Variants in ADAMTSL3 observed in about 807,000 individuals in gnomAD.
ADAMTSL3 encodes ADAMTS-like protein 3.
A neutral mutation model predicts 201.7 loss-of-function variants in ADAMTSL3; 128 were observed. The ratio of observed to expected loss-of-function variants is 0.63; its 90% CI spans 0.55 to 0.73. The LOEUF is 0.73. Among genes scored for constraint, ADAMTSL3 ranks in the 30% least tolerant of loss-of-function variants. The pLI, the probability that ADAMTSL3 is intolerant of heterozygous loss-of-function variation, is 0.00. For missense variants in ADAMTSL3, 1,990 were observed against 2,119.6 expected, an observed-to-expected ratio of 0.94 and a Z score of 1.20; for synonymous variants, 738 against 748.4, an observed-to-expected ratio of 0.99 and a Z score of 0.23.
chr15:83,913,124 C>T lies in ADAMTSL3; in HGVS notation c.1733C>T (p.Thr578Ile), dbSNP rs1356710511. ...FIPEPWSACSTTCGPGVQVRE... is the reference protein window; with the variant it reads ...FIPEPWSACSITCGPGVQVRE... ...CCAGAACCCTGGTCAGCCTGCAGTA[C>T]CACGTGTGGGCCGGGTGTGCAGGTC... The change falls in exon 16 of 30, where the codon ACC becomes ATC. Residue 578 changes from threonine (T) to isoleucine (I), a missense_variant. Coordinates refer to ENST00000286744, the MANE Select transcript of ADAMTSL3 (RefSeq NM_207517.3). 1.2e-6 allele frequency: 2 copies of T among 1,614,014 alleles called. No homozygotes were observed. Among genetic ancestry groups the T allele is most frequent in the Non-Finnish European group, 1.7e-6 (2 of 1,180,038 alleles).
chr15:83,754,529 C>T (rs1039662004), intron 3 of ADAMTSL3, among the ~76,000 whole-genome samples: 2 of 152,050 alleles, frequency 1.3e-5, no homozygotes, highest in Non-Finnish European at 2.9e-5. Context: ...TTTAAAAATC[C>T]AGCAGTTTGG....
intron 19 of ADAMTSL3, among the ~76,000 whole-genome samples, chr15:83,955,683 G>T (rs978967550): frequency 6.6e-6 from 1 of 152,022 alleles, no homozygotes; most frequent in Non-Finnish European, 1.5e-5. Flanking sequence ...TTCCCTTCTG[G>T]CCCAGGGTGT....
At chr15:84,017,205 C>A (rs1165040291) in intron 25 of ADAMTSL3, among the ~76,000 whole-genome samples, 1 of 152,162 alleles carries the variant, frequency 6.6e-6, no homozygotes, top group African/African-American at 2.4e-5. Context: ...GCAAGCTCCG[C>A]CTCCCAGGTT....
At chr15:83,763,945 T>G (rs867068109) in intron 3 of ADAMTSL3, among the ~76,000 whole-genome samples, 4 of 152,220 alleles carry the variant, frequency 2.6e-5, no homozygotes, top group Non-Finnish European at 1.5e-5. Flanking sequence ...ACTGCTCTCA[T>G]TCTGTACACA....
At chr15:83,773,677 C>A in intron 4 of ADAMTSL3, 27 bp downstream of exon 4, 1 of 1,599,136 alleles carries the variant, frequency 6.3e-7, no homozygotes, top group Non-Finnish European at 8.5e-7. Context: ...CTTGCTCCTG[C>A]ATGTGGAATG....
intron 6 of ADAMTSL3, among the ~76,000 whole-genome samples, chr15:83,821,887 C>G (rs1262894622): frequency 1.7e-4 from 26 of 149,444 alleles, no homozygotes; most frequent in Admixed American, 4.6e-4. Flanking sequence ...CCCCCCAACT[C>G]CCTCCCGGAT....
At position 83,991,125 on chromosome 15, in the gene ADAMTSL3, A is replaced by C. The variant is rs757008873; in HGVS notation, c.3884A>C (p.Lys1295Thr). Residue 1295 changes from lysine to threonine, a missense_variant, in exon 23 of 30, where the codon AAA becomes ACA. Lys to Thr is a moderately conservative substitution (Grantham distance 78). Transcript: ENST00000286744. The part of the protein sequence containing the change: ...VILSVERNIT[K>T]PEHNHLSVVV... The stretch of plus-strand genomic sequence containing the variant: ...TTGTCTGTTGAAAGAAATATCACCA[A>C]ACCAGAGCACAACCATCTGTCTGTT... 3 of 1,614,206 alleles carry C rather than the reference A, an allele frequency of 1.9e-6. No homozygotes were observed. The highest frequency in any genetic ancestry group is 2.5e-6 in the Non-Finnish European group (3 of 1,180,024).
intron 6 of ADAMTSL3, among the ~76,000 whole-genome samples, chr15:83,827,380 G>C (rs1433805911): frequency 6.6e-6 from 1 of 151,970 alleles, no homozygotes; most frequent in African/African-American, 2.4e-5. Flanking sequence ...TTGTAAATTT[G>C]TTTTGAGTTC....
intron 19 of ADAMTSL3, among the ~76,000 whole-genome samples, chr15:83,968,448 A>G (rs1485495120): frequency 6.6e-6 from 1 of 152,258 alleles, no homozygotes; most frequent in Non-Finnish European, 1.5e-5. Context: ...AATGCAAATC[A>G]AAACCACAAT....
intron 9 of ADAMTSL3, among the ~76,000 whole-genome samples, chr15:83,879,764 A>G (rs1375591782): frequency 6.6e-6 from 1 of 152,184 alleles, no homozygotes; most frequent in Non-Finnish European, 1.5e-5. Flanking sequence ...GTTATTCAAA[A>G]TTATAACCTT....
chr15:84,034,310 T>A (rs2068462524), intron 28 of ADAMTSL3, among the ~76,000 whole-genome samples: 1 of 152,142 alleles, frequency 6.6e-6, no homozygotes, highest in South Asian at 2.1e-4. Context: ...AGACCCCCCA[T>A]TTGCCATAGT....
chr15:83,663,157 A>G (rs966298603), intron 2 of ADAMTSL3, among the ~76,000 whole-genome samples: 2 of 152,154 alleles, frequency 1.3e-5, no homozygotes, highest in East Asian at 1.9e-4. Context: ...GAATGCTTCA[A>G]TGCTGCCTCC....
intron 19 of ADAMTSL3, among the ~76,000 whole-genome samples, chr15:83,944,181 G>A (rs987881532): frequency 4.6e-5 from 7 of 152,290 alleles, no homozygotes; most frequent in South Asian, 4.2e-4. Flanking sequence ...AAGCGAAACC[G>A]TGGATAAGAA....
At chr15:83,818,839 G>A (rs1424512585) in intron 5 of ADAMTSL3, among the ~76,000 whole-genome samples, 2 of 152,148 alleles carry the variant, frequency 1.3e-5, no homozygotes, top group African/African-American at 4.8e-5. Flanking sequence ...CATGTACTTA[G>A]AATTTATTTG....
intron 19 of ADAMTSL3, among the ~76,000 whole-genome samples, chr15:83,950,978 G>T (rs1198349937): frequency 6.6e-6 from 1 of 150,580 alleles, no homozygotes; most frequent in African/African-American, 2.4e-5. Flanking sequence ...TTTCCAATTT[G>T]GATGCCCTTT....
intron 3 of ADAMTSL3, 85 bp from the exon 4 acceptor site, chr15:83,773,436 CTG>C: frequency 1.4e-6 from 2 of 1,421,624 alleles, no homozygotes; most frequent in Non-Finnish European, 1.9e-6. Flanking sequence ...TCTGGAATAA[CTG>C]GGGAAGATTT....
At chr15:83,997,600 A>C (rs2067711751) in intron 23 of ADAMTSL3, among the ~76,000 whole-genome samples, 3 of 152,218 alleles carry the variant, frequency 2.0e-5, no homozygotes, top group Non-Finnish European at 1.5e-5. Context: ...AAAAAACAAA[A>C]CAAAACAAAA....
chr15:83,728,707 A>G (rs2062219645), intron 3 of ADAMTSL3, among the ~76,000 whole-genome samples: 1 of 151,920 alleles, frequency 6.6e-6, no homozygotes, highest in Admixed American at 6.6e-5. Flanking sequence ...TATACTGTCT[A>G]TGTCCTGAAA....
chr15:83,934,872 AG>A (rs974674845), intron 17 of ADAMTSL3, among the ~76,000 whole-genome samples: 2 of 152,370 alleles, frequency 1.3e-5, no homozygotes, highest in Non-Finnish European at 2.9e-5. Context: ...GCCATAAAAA[AG>A]AATGAAATCT....
Sources: allele counts gnomAD v4.1 joint callset (sites outside exome capture counted in the v4.1 genomes callset), GRCh38; gene constraint gnomAD v4.1.1; transcripts MANE v1.5; gene names NCBI Gene and HGNC (gene_info 2026-07-23, HGNC 2026-07-21).